The following PARP12 variants were observed in gnomAD, a reference collection of about 807,000 sequenced individuals.
PARP12 encodes poly(ADP-ribose) polymerase family member 12.
In PARP12, 59 loss-of-function variants were observed where a neutral mutation model predicts 72.4. The ratio of observed to expected loss-of-function variants is 0.81; its 90% confidence interval spans 0.66 to 1.01. The LOEUF (loss-of-function observed/expected upper bound fraction) is 1.01, where lower values mean the gene tolerates loss of function less well. PARP12 is among the 50% of genes least tolerant of loss of function. PARP12 has a pLI of 0.00. For synonymous variants in PARP12, 403 were observed against 371.4 expected (o/e 1.09, Z -0.98); for missense variants, 851 against 914.0 (o/e 0.93, Z 0.89).
rs1815655046 is a variant in PARP12, at chr7:140,024,657, T to G, written c.2009A>C (p.Tyr670Ser). ...GGTGTACTGGATGACATACTCTGGG[T>G]AGACCTGGTGTTTCTCAAAGATCAC... ...IFVIFEKHQV[Y>S]PEYVIQYTTS... is the part of the protein sequence containing the mutation. Residue 670 changes from tyrosine (Y) to serine (S), a missense_variant, in exon 12 of 12, where the codon TAC (tyrosine) becomes TCC (serine). This residue lies in a region of PARP12 where 347 missense variants were observed against 396.1 expected (regional missense o/e 0.88). Coordinates refer to ENST00000263549, the MANE Select transcript of PARP12 (RefSeq NM_022750.4). 6.2e-6 allele frequency: 10 copies of G among 1,613,974 alleles called. No individual in the cohort carries two copies. The highest frequency in any genetic ancestry group is 8.5e-6 in the Non-Finnish European group (10 of 1,180,016).
chr7:140,044,150 C>A (rs554762616), intron 5 of PARP12, among the ~76,000 whole-genome samples: 4 of 151,940 alleles, frequency 2.6e-5, no homozygotes, highest in African/African-American at 9.7e-5. Flanking sequence ...CTGCACAGCA[C>A]CAAAGAATGA....
intron 5 of PARP12, among the ~76,000 whole-genome samples, chr7:140,046,144 A>G (rs1816713193): frequency 6.6e-6 from 1 of 152,242 alleles, no homozygotes; most frequent in African/African-American, 2.4e-5. Flanking sequence ...TTGCCTCAAA[A>G]AGAAAGATTG....
intron 4 of PARP12, among the ~76,000 whole-genome samples, chr7:140,049,881 A>C (rs571727524): frequency 1.3e-5 from 2 of 152,148 alleles, no homozygotes; most frequent in East Asian, 3.9e-4. Context: ...CCCTTTCTCA[A>C]CTTCTTTTCC....
intron 2 of PARP12, 96 bp from the exon 3 acceptor site, chr7:140,057,249 A>T: frequency 8.6e-7 from 1 of 1,162,468 alleles, no homozygotes; most frequent in South Asian, 1.5e-5. Flanking sequence ...GGGGCTTCAC[A>T]AGCTGTGATT....
rs368045388 is a variant in PARP12, at chr7:140,062,642, G to A, written c.206C>T (p.Ala69Val). The A allele has an allele frequency of 1.2e-3, 1,699 of 1,472,210 alleles. 11 individuals carry two copies. In the African/African-American group the frequency reaches 0.022, roughly 19 times the overall value. 91.2% of individuals were successfully genotyped at this position (1,472,210 alleles called of 1,614,324 possible). Residue 69 changes from alanine (A) to valine (V), a missense_variant, in exon 1 of 12, where the codon GCC becomes GTC. Ala to Val is a moderately conservative substitution (Grantham distance 64). Transcript: ENST00000263549. ...CGCGCGACACAGGCGCAGCGGCGAG[G>A]CGGCCAGCACCACGCGCTCCGGGGC... ...AAAPERVVLA[A>V]SPLRLCRAHQ...
chr7:140,033,582 C>A (rs1816030305), intron 8 of PARP12: 1 of 985,394 alleles, frequency 1.0e-6, no homozygotes, highest in Non-Finnish European at 1.2e-6. Flanking sequence ...CCTCTCAGTT[C>A]CAATCCCATC....
rs148883749 is a variant in PARP12 at position 140,032,105 on chromosome 7, C to G, written c.1421+2130G>C. On this transcript the variant is annotated intron_variant, in intron 8 of 11. Transcript: ENST00000263549. ...GACCAACAGTCCACAGAAAAAGAAG[C>G]AAAAATGGCACTTACATGTTAGAAA... Among the ~76,000 whole-genome samples the G allele has an allele frequency of 4.4e-3, 669 of 152,060 alleles. 7 individuals carry two copies. Among genetic ancestry groups the G allele is most frequent in the African/African-American group, 0.015 (637 of 41,484 alleles).
At chr7:140,058,107 C>G in intron 1 of PARP12, 73 bp from the exon 2 acceptor site, 1 of 1,520,382 alleles carries the variant, frequency 6.6e-7, no homozygotes, top group Non-Finnish European at 9.1e-7. Flanking sequence ...AGTCCTAACT[C>G]CCACGACCTC....
Position 140,061,993 on chromosome 7 carries a change from G to C in PARP12, c.326+529C>G, listed in dbSNP as rs555182331. On this transcript the variant is annotated intron_variant, in intron 1 of 11. Coordinates refer to ENST00000263549, the MANE Select transcript of PARP12 (RefSeq NM_022750.4). ...GCTCCCAGAAATGCCCGGGGGGGGG[G>C]GGGTGTTCCAGTCACAGAAGGGTCC... 2.0e-4 allele frequency among the ~76,000 whole-genome samples: 30 copies of C among 150,010 alleles called. 2 individuals are homozygous for C. The highest frequency in any genetic ancestry group is 7.4e-4 in the African/African-American group (30 of 40,696).
chr7:140,034,434 C>T (rs1263994121), intron 7 of PARP12, 103 bp from the exon 8 acceptor site: 1 of 991,708 alleles, frequency 1.0e-6, no homozygotes, highest in South Asian at 1.5e-5. Context: ...GAAAGCTTAT[C>T]CAAATGTGTA....
At position 140,043,955 on chromosome 7, in the gene PARP12, G is replaced by A. The variant is rs960971348; in HGVS notation, c.987-2116C>T. Reference sequence around the variant, plus strand: ...GCCTGAGAGGAAGAAATGTGGCAGAGTTTAGAAAGAGAATAAAAGAGAAGT... The same window carrying A: ...GCCTGAGAGGAAGAAATGTGGCAGAATTTAGAAAGAGAATAAAAGAGAAGT... On this transcript the variant is annotated intron_variant, in intron 5 of 11. Coordinates refer to ENST00000263549, the MANE Select transcript of PARP12 (RefSeq NM_022750.4). 4.6e-5 allele frequency among the ~76,000 whole-genome samples: 7 copies of A among 152,332 alleles called. No homozygotes were observed. In the East Asian group the frequency reaches 1.3e-3, roughly 29 times the overall value.
At chr7:140,038,006 G>C in intron 6 of PARP12, 150 bp from the exon 7 acceptor site, 1 of 1,439,646 alleles carries the variant, frequency 6.9e-7, no homozygotes, top group African/African-American at 1.4e-5. Flanking sequence ...TATGGCAGGA[G>C]AGAGAGGCAC....
Position 140,028,678 on chromosome 7 carries a change from A to G in PARP12, c.1432T>C (p.Phe478Leu). ...TCTGGGATGCTCTTCGGGCCTGGAAACTTGGTATTGCTACAAAAATGTAAA... is the reference window on the plus strand; with the variant it reads ...TCTGGGATGCTCTTCGGGCCTGGAAGCTTGGTATTGCTACAAAAATGTAAA... ...VTTMQTCNTK[F>L]PGPKSIPDYW... is the part of the protein sequence containing the mutation. The change falls in exon 9 of 12, where the codon TTT becomes CTT. Residue 478 changes from phenylalanine to leucine, a missense_variant. Phe to Leu is a conservative substitution (Grantham distance 22, BLOSUM62 0). Transcript: ENST00000263549. 6.2e-7 allele frequency: 1 copy of G among 1,602,602 alleles called. No homozygotes were observed. The highest frequency in any genetic ancestry group is 8.5e-7 in the Non-Finnish European group (1 of 1,173,982).
At chr7:140,062,456 C>T in intron 1 of PARP12, 66 bp downstream of exon 1, 2 of 1,436,706 alleles carry the variant, frequency 1.4e-6, no homozygotes, top group Non-Finnish European at 1.8e-6. Context: ...GACCCCCAAG[C>T]GGGCTGGAAG....
intron 8 of PARP12, among the ~76,000 whole-genome samples, chr7:140,030,255 C>T (rs1470087532): frequency 6.6e-6 from 1 of 152,170 alleles, no homozygotes; most frequent in Non-Finnish European, 1.5e-5. Flanking sequence ...ATCCCTACAA[C>T]CCAAAATTCT....
intron 8 of PARP12, chr7:140,033,636 T>C (rs1816032455): frequency 1.0e-6 from 1 of 985,122 alleles, no homozygotes; most frequent in African/African-American, 1.8e-5. Context: ...TGAGATAGGG[T>C]CTGATCAGTA....
chr7:140,028,670 G>A lies in PARP12; in HGVS notation c.1440C>T (p.Gly480=). The A allele has an allele frequency of 6.2e-7, 1 of 1,604,128 alleles. No homozygotes were observed. Among genetic ancestry groups the A allele is most frequent in the Non-Finnish European group, 8.5e-7 (1 of 1,174,944 alleles). ...CCCAATAGTCTGGGATGCTCTTCGG[G>A]CCTGGAAACTTGGTATTGCTACAAA... The part of the protein sequence containing the change: ...TMQTCNTKFP[G]PKSIPDYWDS... Residue 480 remains glycine (G), a synonymous_variant, in exon 9 of 12, where the codon GGC becomes GGT. Transcript: ENST00000263549.
At chr7:140,062,399 C>G (rs1817494990) in intron 1 of PARP12, 123 bp downstream of exon 1, 2 of 971,382 alleles carry the variant, frequency 2.1e-6, no homozygotes, top group African/African-American at 1.7e-5. Flanking sequence ...AATGACGGTG[C>G]GAGGTCAGGG....
intron 4 of PARP12, among the ~76,000 whole-genome samples, chr7:140,048,430 A>G (rs1431238059): frequency 1.3e-5 from 2 of 152,112 alleles, no homozygotes; most frequent in Non-Finnish European, 2.9e-5. Context: ...AGGTTCTGCT[A>G]TATCCACACA....
Sources: gnomAD v4.1 joint callset for allele counts (sites outside exome capture counted in the v4.1 genomes callset) on GRCh38, gnomAD v4.1.1 for gene constraint, gnomAD v4.1.1 regional missense constraint, MANE v1.5 for transcripts, NCBI Gene and HGNC (gene_info 2026-07-23, HGNC 2026-07-21) for gene names.